PPP1R13L: variants seen among roughly 807,000 people sequenced by gnomAD.
The protein encoded by PPP1R13L is protein phosphatase 1 regulatory subunit 13 like.
A neutral mutation model predicts 80.9 loss-of-function variants in PPP1R13L; 50 were observed. The ratio of observed to expected loss-of-function variants is 0.62; its 90% CI spans 0.49 to 0.78. PPP1R13L has a LOEUF of 0.78. Ranked by LOEUF, PPP1R13L falls within the 30% of genes least tolerant of loss-of-function variation. The pLI, the probability that PPP1R13L is intolerant of heterozygous loss-of-function variation, is 0.00. For missense variants in PPP1R13L, 1,200 were observed against 1,205.9 expected, an observed-to-expected ratio of 1.00 and a Z score of 0.07; for synonymous variants, 602 against 534.3, an observed-to-expected ratio of 1.13 and a Z score of -1.75.
intron 1 of PPP1R13L, 124 bp from the exon 2 acceptor site, chr19:45,398,463 T>C (rs1357780950): frequency 2.1e-6 from 2 of 941,708 alleles, no homozygotes; most frequent in Non-Finnish European, 3.1e-6. Context: ...GGAAGCCCTT[T>C]ACCCTTTCAC....
In PPP1R13L at chr19:45,379,931, T is replaced by G; in HGVS notation, c.*259A>C. On this transcript the variant is annotated 3_prime_UTR_variant, in exon 13 of 13. Coordinates refer to ENST00000360957, the MANE Select transcript of PPP1R13L (RefSeq NM_006663.4). ...GGGAGGCACTTTGGACGGGATCTGA[T>G]TTGGCAAAAGGAAGTGGTTTCCTGT... 2.6e-6 allele frequency: 1 copy of G among 385,270 alleles called. No homozygotes were observed. Among genetic ancestry groups the G allele is most frequent in the Non-Finnish European group, 4.7e-6 (1 of 211,000 alleles). 23.9% of individuals were successfully genotyped at this position (385,270 alleles called of 1,614,324 possible).
intron 1 of PPP1R13L, among the ~76,000 whole-genome samples, chr19:45,399,958 AAATT>A (rs1435226009): frequency 6.6e-6 from 1 of 151,774 alleles, no homozygotes; most frequent in African/African-American, 2.4e-5. Context: ...AAAAAAAAAA[AAATT>A]AATTGAGGGG....
rs1972980748 is a variant in PPP1R13L at position 45,391,925 on chromosome 19, G to C, written c.1770C>G (p.Pro590=). 6.7e-7 allele frequency: 1 copy of C among 1,503,122 alleles called. No individual in the cohort carries two copies. The allele number at this position is 1,503,122 out of a possible 1,614,324, so 93.1% of individuals were successfully genotyped here. A position where few individuals can be genotyped will look rare whatever the true frequency, so the allele number is the denominator to read the frequency against. The change falls in exon 8 of 13, where the codon CCC becomes CCG. Residue 590 remains proline (P), a synonymous_variant. Coordinates refer to ENST00000360957, the MANE Select transcript of PPP1R13L (RefSeq NM_006663.4). ...PAPAPPAPIP[P]PAPSQSSPPE... ...GTGGGCTGCTCTGGGACGGGGCCGG[G>C]GGTGGAATGGGAGCTGGTGGGGCAG... is the stretch of plus-strand genomic sequence containing the variant.
chr19:45,397,468 C>CTTTCTTTCTTTCTTTCTT (rs1294884126), intron 3 of PPP1R13L, among the ~76,000 whole-genome samples: 1,254 of 86,592 alleles, frequency 0.014, 38 homozygotes, highest in East Asian at 0.046. Context: ...TGCTTTCTCT[C>CTTTCTTTCTTTCTTTCTT]TCTCTCTTTC....
rs1973069250 is a variant in PPP1R13L, at chr19:45,395,626, G to A, written c.1164C>T (p.Ser388=). Residue 388 remains serine, a synonymous_variant, in exon 7 of 13, where the codon AGC becomes AGT. Transcript: ENST00000360957. The part of the protein sequence containing the change: ...LQNAFWEHGA[S]RAMLPGSPLF... ...GGGGGGACCCAGGGAGCATGGCGCG[G>A]CTGGCCCCGTGCTCCCAGAAGGCGT... 3.4e-6 allele frequency: 5 copies of A among 1,475,534 alleles called. No individual in the cohort carries two copies. Among genetic ancestry groups the A allele is most frequent in the Non-Finnish European group, 4.5e-6 (5 of 1,118,166 alleles). The allele number at this position is 1,475,534 out of a possible 1,614,324, so 91.4% of individuals were successfully genotyped here.
At position 45,392,321 on chromosome 19, in the gene PPP1R13L, G is replaced by A. The variant is rs755139657; in HGVS notation, c.1374C>T (p.Thr458=). The A allele has an allele frequency of 1.4e-5, 23 of 1,613,290 alleles. No homozygotes were observed. The highest frequency in any genetic ancestry group is 9.3e-5 in the African/African-American group (7 of 74,912). The part of the protein sequence containing the change: ...PVNEGPPKPP[T]ELEPEPEIEG... ...CTATCTCCGGCTCAGGCTCCAGCTC[G>A]GTGGGGGGTTTGGGGGGTCCTAGCC... The change falls in exon 8 of 13, where the codon ACC becomes ACT. Residue 458 remains threonine (T), a synonymous_variant. Transcript: ENST00000360957.
At chr19:45,399,571 C>G (rs559236787) in intron 1 of PPP1R13L, among the ~76,000 whole-genome samples, 3 of 151,400 alleles carry the variant, frequency 2.0e-5, no homozygotes, top group African/African-American at 7.3e-5. Flanking sequence ...TTGAACTGAG[C>G]GGAGATCGCG....
At chr19:45,398,486 G>A in intron 1 of PPP1R13L, 147 bp from the exon 2 acceptor site, 1 of 776,980 alleles carries the variant, frequency 1.3e-6, no homozygotes, top group Non-Finnish European at 2.0e-6. Context: ...CCCCAGCTGG[G>A]AAATGCCAAC....
chr19:45,391,595 CTCT>C (rs958143543), intron 8 of PPP1R13L, among the ~76,000 whole-genome samples: 3 of 152,190 alleles, frequency 2.0e-5, no homozygotes, highest in Non-Finnish European at 2.9e-5. Flanking sequence ...AGGGCACTTT[CTCT>C]TCTTCTTTCT....
chr19:45,404,344 C>G (rs530144931), intron 1 of PPP1R13L, among the ~76,000 whole-genome samples: 1 of 152,326 alleles, frequency 6.6e-6, no homozygotes, highest in East Asian at 1.9e-4. Context: ...GCGGATGTCC[C>G]TTCTCTGGTT....
chr19:45,385,964 G>A lies in PPP1R13L; in HGVS notation c.1948-7C>T, dbSNP rs748603610. The A allele has an allele frequency of 6.2e-7, 1 of 1,608,214 alleles. No individual in the cohort carries two copies. Among genetic ancestry groups the A allele is most frequent in the Non-Finnish European group, 8.5e-7 (1 of 1,178,216 alleles). ...GCTGGCTCGGGTCGTTCATCTGAGT[G>A]CACCGGGGGAGGGGGAAGACTCAGT... On this transcript the variant is annotated splice_region_variant and splice_polypyrimidine_tract_variant and intron_variant, in intron 9 of 12. Coordinates refer to ENST00000360957, the MANE Select transcript of PPP1R13L (RefSeq NM_006663.4).
At chr19:45,399,714 G>A (rs1973194854) in intron 1 of PPP1R13L, among the ~76,000 whole-genome samples, 1 of 151,798 alleles carries the variant, frequency 6.6e-6, no homozygotes. Flanking sequence ...AGCACTTTGG[G>A]AGGCCGAGGT....
Position 45,396,649 on chromosome 19 carries a change from G to A in PPP1R13L, c.608C>T (p.Ser203Leu), listed in dbSNP as rs773916585. Residue 203 changes from serine to leucine, a missense_variant, in exon 4 of 13, where the codon TCA becomes TTA. Coordinates refer to ENST00000360957, the MANE Select transcript of PPP1R13L (RefSeq NM_006663.4). This position sits in a 1 kb window ranked among gnomAD's most constrained non-coding sequence, Gnocchi z 5.3. ...GTAGGCTGTGGCAGGGGGGCGCGGT[G>A]ACGGCCCACGCTCGGGGAAGAAGGC... ...PQAFFPERGP[S>L]PRPPATAYDA... 1 of 1,469,440 alleles carries A rather than the reference G, an allele frequency of 6.8e-7. No individual in the cohort carries two copies. The highest frequency in any genetic ancestry group is 8.9e-7 in the Non-Finnish European group (1 of 1,121,268). 91.0% of individuals were successfully genotyped at this position (1,469,440 alleles called of 1,614,324 possible).
chr19:45,380,359 A>G (rs1972739182), intron 12 of PPP1R13L, 131 bp from the exon 13 acceptor site: 1 of 988,452 alleles, frequency 1.0e-6, no homozygotes, highest in African/African-American at 1.6e-5. Flanking sequence ...CTGCTCCAGA[A>G]TCCAAGTTCT....
chr19:45,386,118 G>A lies in PPP1R13L; in HGVS notation c.1878C>T (p.Asn626=). 6.4e-7 allele frequency: 1 copy of A among 1,554,238 alleles called. No individual in the cohort carries two copies. The highest frequency in any genetic ancestry group is 8.6e-7 in the Non-Finnish European group (1 of 1,161,018). Residue 626 remains asparagine (N), a synonymous_variant, in exon 9 of 13, where the codon AAC becomes AAT. Transcript: ENST00000360957. ...SPRKARRARL[N]PLVLLLDAAL... ...CCGCGTCCAGGAGGAGCACCAGAGG[G>A]TTGAGGCGCGCGCGGCGGGCCTTGC...
In PPP1R13L at chr19:45,395,826, G is replaced by GGTC. The variant is rs1568559761; in HGVS notation, c.961_963dup (p.Asp321dup). The GGTC allele has an allele frequency of 6.3e-7, 1 of 1,595,316 alleles. No homozygotes were observed. Among genetic ancestry groups the GGTC allele is most frequent in the Non-Finnish European group, 8.5e-7 (1 of 1,172,868 alleles). The stretch of plus-strand genomic sequence containing the variant: ...CGGTAGCTGCCCGCGTCTGAACGCC[G>GGTC]GTCGCTGGCCAGAGGAGAGACCTTG... On this transcript the variant is annotated inframe_insertion, in exon 7 of 13. Coordinates refer to ENST00000360957, the MANE Select transcript of PPP1R13L (RefSeq NM_006663.4).
At chr19:45,405,837 G>T (rs899283353), upstream of PPP1R13L, among the ~76,000 whole-genome samples, 1 of 152,150 alleles carries the variant, frequency 6.6e-6, no homozygotes, top group African/African-American at 2.4e-5. Context: ...CCCAACGCGG[G>T]GCGGCCCCAG....
At chr19:45,390,256 G>A (rs1266685485) in intron 8 of PPP1R13L, among the ~76,000 whole-genome samples, 3 of 151,906 alleles carry the variant, frequency 2.0e-5, no homozygotes, top group African/African-American at 7.3e-5. Context: ...TTCTCCTGTT[G>A]TCCTTCCCAG....
Position 45,396,362 on chromosome 19 carries a change from GCTT to G in PPP1R13L, c.784_786del (p.Lys262del), listed in dbSNP as rs771254738. On this transcript the variant is annotated inframe_deletion, in exon 5 of 13. Transcript: ENST00000360957. This position sits in a 1 kb window ranked among gnomAD's most constrained non-coding sequence, Gnocchi z 5.3. ...CGTTCATAGCTCGCTGTCTGCGAAG[GCTT>G]CTTCTCGTACGCCACGTCCAGGTCA... 29 of 1,613,988 alleles carry G rather than the reference GCTT, an allele frequency of 1.8e-5. No individual in the cohort carries two copies. Among genetic ancestry groups the G allele is most frequent in the African/African-American group, 5.3e-5 (4 of 74,932 alleles).
Sources: allele counts gnomAD v4.1 joint callset (sites outside exome capture counted in the v4.1 genomes callset), GRCh38; gene constraint gnomAD v4.1.1; non-coding constraint Gnocchi (gnomAD v3.1); transcripts MANE v1.5; gene names NCBI Gene and HGNC (gene_info 2026-07-23, HGNC 2026-07-21).